The following CEP250 variants were observed in gnomAD, a reference collection of about 807,000 sequenced individuals.
The protein encoded by CEP250 is centrosomal protein 250, also known as centrosome-associated protein CEP250.
Under a neutral mutation model 315.7 loss-of-function variants are expected in CEP250, and 242 were observed. That is an observed-to-expected ratio of 0.77 (90% CI 0.69 to 0.85). CEP250 has a LOEUF of 0.85. Among genes scored for constraint, CEP250 ranks in the 40% least tolerant of loss-of-function variants. The pLI is 0.00. For synonymous variants in CEP250, 1,088 were observed against 1,175.0 expected, an observed-to-expected ratio of 0.93 and a Z score of 1.51; for missense variants, 2,515 against 2,886.4, an observed-to-expected ratio of 0.87 and a Z score of 2.95.
At chr20:35,495,015 A>T (rs1345553935) in intron 24 of CEP250, among the ~76,000 whole-genome samples, 1 of 152,204 alleles carries the variant, frequency 6.6e-6, no homozygotes, top group East Asian at 1.9e-4. Context: ...GAGAGAGAAG[A>T]GACTTTAGAA....
chr20:35,467,416 A>G lies in CEP250; in HGVS notation c.712A>G (p.Met238Val), dbSNP rs1323986157. 2 of 1,614,172 alleles carry G rather than the reference A, an allele frequency of 1.2e-6. No homozygotes were observed. The highest frequency in any genetic ancestry group is 1.7e-6 in the Non-Finnish European group (2 of 1,180,016). ...QSREPNGSGR[M>V]DGREPAQLLL... ...TCGGGAACCCAACGGATCTGGAAGAATGGATGGGCGGGAGCCGGCCCAGCT... is the reference window on the plus strand; with the variant it reads ...TCGGGAACCCAACGGATCTGGAAGAGTGGATGGGCGGGAGCCGGCCCAGCT... The change falls in exon 9 of 35, where the codon ATG (methionine) becomes GTG (valine). Residue 238 changes from methionine to valine, a missense_variant. Coordinates refer to ENST00000397527, the MANE Select transcript of CEP250 (RefSeq NM_007186.6).
intron 23 of CEP250, 41 bp from the exon 24 acceptor site, chr20:35,494,483 C>A (rs1368673443): frequency 1.2e-6 from 2 of 1,611,458 alleles, no homozygotes; most frequent in Admixed American, 3.3e-5. Flanking sequence ...CCACCGGCCC[C>A]CTGCCCTGCC....
intron 16 of CEP250, 171 bp from the exon 17 acceptor site, chr20:35,477,700 G>C (rs1428484986): frequency 3.2e-6 from 2 of 620,984 alleles, no homozygotes; most frequent in South Asian, 2.0e-5. Flanking sequence ...CTAGTACCTG[G>C]AATATAGGCA....
chr20:35,496,333 T>C (rs917146858), intron 24 of CEP250, among the ~76,000 whole-genome samples: 2 of 151,470 alleles, frequency 1.3e-5, no homozygotes, highest in African/African-American at 2.4e-5. Context: ...CAAGACTCTG[T>C]CTCAATAAAA....
rs779758124 is a variant in CEP250, at chr20:35,503,513, G to A, written c.5144G>A (p.Gly1715Asp). 3 of 1,614,114 alleles carry A rather than the reference G, an allele frequency of 1.9e-6. No individual in the cohort carries two copies. Among genetic ancestry groups the A allele is most frequent in the South Asian group, 2.2e-5 (2 of 91,074 alleles). ...CAGGAACGGGCAGAGGAAGGGAAGG[G>A]CCCAAGTAAAGCACAGCGCGGGAGC... ...LMQERAEEGK[G>D]PSKAQRGSLE... Residue 1715 changes from glycine to aspartate, a missense_variant, in exon 30 of 35, where the codon GGC becomes GAC. Transcript: ENST00000397527. This position sits in a 1 kb window ranked among gnomAD's most constrained non-coding sequence, Gnocchi z 4.2.
chr20:35,513,381 C>T lies in CEP250; in HGVS notation c.*1755C>T, dbSNP rs1010463280. ...TCAAGCAATTCTCCTGCCTCGGCCT[C>T]CTGTGTATCTGGGATTATAGACACG... On this transcript the variant is annotated 3_prime_UTR_variant, in exon 35 of 35. Transcript: ENST00000397527. The T allele has an allele frequency of 2.6e-5, 4 of 152,058 alleles. No individual in the cohort carries two copies. The highest frequency in any genetic ancestry group is 5.9e-5 in the Non-Finnish European group (4 of 68,036). 9.4% of individuals were successfully genotyped at this position (152,058 alleles called of 1,614,324 possible). A position where few individuals can be genotyped will look rare whatever the true frequency, so the allele number is the denominator to read the frequency against.
At position 35,488,256 on chromosome 20, in the gene CEP250, A is replaced by G. The variant is rs568874043; in HGVS notation, c.2587-2381A>G. ...TTTAACACTTGCAACTGCTATTAACATTCATCTTTTTCATATTTTTACAGT... is the reference window on the plus strand; with the variant it reads ...TTTAACACTTGCAACTGCTATTAACGTTCATCTTTTTCATATTTTTACAGT... On this transcript the variant is annotated intron_variant, in intron 20 of 34. Transcript: ENST00000397527. Among the ~76,000 whole-genome samples, 7 of 152,248 alleles carry G rather than the reference A, an allele frequency of 4.6e-5. No individual in the cohort carries two copies. In the East Asian group the frequency reaches 1.3e-3, roughly 29 times the overall value.
chr20:35,499,037 G>T (rs774669044), intron 27 of CEP250, among the ~76,000 whole-genome samples: 22 of 152,136 alleles, frequency 1.4e-4, no homozygotes, highest in Non-Finnish European at 3.1e-4. Context: ...TGCTTTGGGA[G>T]GCTGAGACAG....
At chr20:35,496,772 C>T (rs908075837) in intron 25 of CEP250, 57 bp downstream of exon 25, 46 of 1,563,282 alleles carry the variant, frequency 2.9e-5, no homozygotes, top group Non-Finnish European at 3.9e-5. Context: ...GATTCTGAAG[C>T]GGTGGATTGA....
intron 24 of CEP250, among the ~76,000 whole-genome samples, chr20:35,495,682 G>A (rs1299044077): frequency 6.6e-6 from 1 of 152,116 alleles, no homozygotes; most frequent in Non-Finnish European, 1.5e-5. Flanking sequence ...ACCAGGAGGT[G>A]GAGGTTGCAG....
intron 24 of CEP250, 117 bp downstream of exon 24, chr20:35,494,774 A>G: frequency 5.2e-6 from 6 of 1,143,220 alleles, no homozygotes; most frequent in Non-Finnish European, 7.5e-6. Flanking sequence ...TCTGGGATGT[A>G]CATGTAGCCA....
Position 35,498,609 on chromosome 20 carries a change from A to G in CEP250, c.3670A>G (p.Arg1224Gly), listed in dbSNP as rs781293599. ...WGLEPDQNGA[R>G]SLFKRGPLLT... ...CATTTTTTCAGACCAGAATGGAGCTAGGAGCCTCTTTAAGAGAGGGCCCCT... is the reference window on the plus strand; with the variant it reads ...CATTTTTTCAGACCAGAATGGAGCTGGGAGCCTCTTTAAGAGAGGGCCCCT... Residue 1224 changes from arginine to glycine, a missense_variant, in exon 27 of 35, where the codon AGG becomes GGG. Arg to Gly is a moderately radical substitution (Grantham distance 125, BLOSUM62 -2). Coordinates refer to ENST00000397527, the MANE Select transcript of CEP250 (RefSeq NM_007186.6). The G allele has an allele frequency of 2.4e-5, 39 of 1,604,626 alleles. No individual in the cohort carries two copies. In the African/African-American group the frequency reaches 3.9e-4, roughly 16 times the overall value.
chr20:35,508,125 C>G lies in CEP250; in HGVS notation c.6841C>G (p.Arg2281Gly), dbSNP rs148942784. The change falls in exon 32 of 35, where the codon CGG becomes GGG. Residue 2281 changes from arginine to glycine, a missense_variant. Transcript: ENST00000397527. ...RLEHLQQAVA[R>G]LEIDRSRLQR... is the part of the protein sequence containing the mutation. ...TGAACACCTGCAGCAAGCAGTGGCC[C>G]GGCTGGAGATTGACAGGAGCAGGCT... 2 of 1,613,916 alleles carry G rather than the reference C, an allele frequency of 1.2e-6. No individual in the cohort carries two copies. Among genetic ancestry groups the G allele is most frequent in the Non-Finnish European group, 8.5e-7 (1 of 1,180,012 alleles).
rs200802667 is a variant in CEP250, at chr20:35,509,968, G to A, written c.7009-30G>A. The A allele has an allele frequency of 2.0e-4, 316 of 1,610,044 alleles. 1 individual carries two copies. The highest frequency in any genetic ancestry group is 2.6e-4 in the Non-Finnish European group (306 of 1,176,232). On this transcript the variant is annotated intron_variant, in intron 33 of 34. Coordinates refer to ENST00000397527, the MANE Select transcript of CEP250 (RefSeq NM_007186.6). The stretch of plus-strand genomic sequence containing the variant: ...GAAACCCCAGAGTGGGAAGGCCTAT[G>A]CCAACAAGAGTGCTGTTTGTCTTCC...
intron 20 of CEP250, among the ~76,000 whole-genome samples, chr20:35,486,343 G>T (rs899746003): frequency 6.6e-6 from 1 of 152,006 alleles, no homozygotes; most frequent in Non-Finnish European, 1.5e-5. Flanking sequence ...CTGGGCTTAA[G>T]CAATCCTTCT....
At chr20:35,468,607 C>T (rs2062949109) in intron 9 of CEP250, among the ~76,000 whole-genome samples, 1 of 152,098 alleles carries the variant, frequency 6.6e-6, no homozygotes, top group Non-Finnish European at 1.5e-5. Flanking sequence ...AAAAGCAGGC[C>T]ATGTCTTCGT....
At position 35,503,217 on chromosome 20, in the gene CEP250, C is replaced by T. The variant is rs2064068934; in HGVS notation, c.4848C>T (p.Ser1616=). The T allele has an allele frequency of 1.9e-6, 3 of 1,614,092 alleles. No homozygotes were observed. Among genetic ancestry groups the T allele is most frequent in the East Asian group, 4.5e-5 (2 of 44,872 alleles). ...GCAGCCAGATCCATGACCTGGAGAGCCACAGCACCGTTCTGGCAAGAGAGC... is the reference window on the plus strand; with the variant it reads ...GCAGCCAGATCCATGACCTGGAGAGTCACAGCACCGTTCTGGCAAGAGAGC... ...AQSSQIHDLE[S]HSTVLARELQ... Residue 1616 remains serine, a synonymous_variant, in exon 30 of 35, where the codon AGC becomes AGT. Transcript: ENST00000397527. The surrounding 1 kb of genome is among the most constrained non-coding windows in gnomAD (Gnocchi z 4.2).
chr20:35,515,757 T>G lies in CEP250; in HGVS notation c.*4131T>G, dbSNP rs1292879848. 1 of 152,688 alleles carries G rather than the reference T, an allele frequency of 6.5e-6. No individual in the cohort carries two copies. The highest frequency in any genetic ancestry group is 1.9e-4 in the East Asian group (1 of 5,204). 9.5% of individuals were successfully genotyped at this position (152,688 alleles called of 1,614,324 possible). A position where few individuals can be genotyped will look rare whatever the true frequency, so the allele number is the denominator to read the frequency against. ...AAGAGGAAGAAGCAAGAGCTGCCAG[T>G]GTGCTCCAAACCAAGAGAGCCCTCC... On this transcript the variant is annotated 3_prime_UTR_variant, in exon 35 of 35. Transcript: ENST00000397527.
chr20:35,486,616 T>C (rs927632123), intron 20 of CEP250, among the ~76,000 whole-genome samples: 6 of 152,182 alleles, frequency 3.9e-5, no homozygotes, highest in African/African-American at 1.4e-4. Context: ...TGTGATACAT[T>C]AAAATACATA....
Sources: allele counts gnomAD v4.1 joint callset (sites outside exome capture counted in the v4.1 genomes callset), GRCh38; gene constraint gnomAD v4.1.1; non-coding constraint Gnocchi (gnomAD v3.1); transcripts MANE v1.5; gene names NCBI Gene and HGNC (gene_info 2026-07-23, HGNC 2026-07-21).